SLC4A10: variants seen among roughly 807,000 people sequenced by gnomAD.
The protein encoded by SLC4A10 is sodium-driven chloride bicarbonate exchanger.
In SLC4A10, 42 loss-of-function variants were observed where a neutral mutation model predicts 137.7. That is an observed-to-expected ratio of 0.30 (90% CI 0.24 to 0.39). SLC4A10 has a LOEUF of 0.39. Among genes scored for constraint, SLC4A10 ranks in the 10% least tolerant of loss-of-function variants. The pLI is 1.00. For synonymous variants in SLC4A10, 474 were observed against 464.1 expected (o/e 1.02, Z -0.27); for missense variants, 925 against 1,355.0 (o/e 0.68, Z 4.98).
intron 23 of SLC4A10, among the ~76,000 whole-genome samples, chr2:161,973,475 A>C (rs1352608167): frequency 1.3e-5 from 2 of 152,206 alleles, no homozygotes; most frequent in Non-Finnish European, 2.9e-5. Context: ...GTATAAATAT[A>C]AAAATCATTT....
intron 2 of SLC4A10, among the ~76,000 whole-genome samples, chr2:161,796,028 T>C (rs1424536961): frequency 6.6e-6 from 1 of 152,176 alleles, no homozygotes; most frequent in Non-Finnish European, 1.5e-5. Context: ...TACTTTCTGA[T>C]TCTTGGTTCT....
At chr2:161,660,559 T>TCTTC (rs2038161474) in intron 1 of SLC4A10, among the ~76,000 whole-genome samples, 8 of 47,118 alleles carry the variant, frequency 1.7e-4, no homozygotes, top group Non-Finnish European at 4.1e-4. Context: ...CATCTATATT[T>TCTTC]CTTTCTTTCT....
intron 1 of SLC4A10, among the ~76,000 whole-genome samples, chr2:161,675,426 G>T (rs905771210): frequency 1.3e-5 from 2 of 152,018 alleles, no homozygotes; most frequent in African/African-American, 4.8e-5. Context: ...TCTTGCCTTG[G>T]TAGCATTTTT....
chr2:161,913,544 A>G (rs1468557877), intron 15 of SLC4A10, among the ~76,000 whole-genome samples: 4 of 152,186 alleles, frequency 2.6e-5, no homozygotes, highest in Non-Finnish European at 4.4e-5. Context: ...TACTTCACCA[A>G]AGTTTTAATT....
At chr2:161,872,462 C>A in intron 7 of SLC4A10, 78 bp downstream of exon 7, 1 of 1,100,912 alleles carries the variant, frequency 9.1e-7, no homozygotes, top group Non-Finnish European at 1.3e-6. Context: ...GAGGTGTTGA[C>A]ACAATATTTT....
intron 2 of SLC4A10, among the ~76,000 whole-genome samples, chr2:161,781,109 A>G (rs1464261955): frequency 6.6e-6 from 1 of 152,058 alleles, no homozygotes; most frequent in Non-Finnish European, 1.5e-5. Context: ...TATTAAGAGT[A>G]AAAATAGTAT....
chr2:161,815,825 A>G (rs1575100045), intron 3 of SLC4A10, among the ~76,000 whole-genome samples: 1 of 152,228 alleles, frequency 6.6e-6, no homozygotes, highest in East Asian at 1.9e-4. Flanking sequence ...CTTGGAAATA[A>G]GTCGGGTGGC....
chr2:161,909,166 G>A (rs1047995388), intron 15 of SLC4A10, among the ~76,000 whole-genome samples: 1 of 151,158 alleles, frequency 6.6e-6, no homozygotes, highest in African/African-American at 2.4e-5. Flanking sequence ...ACACCAACAT[G>A]GCACATGTAT....
At chr2:161,666,326 G>A (rs1161797957) in intron 1 of SLC4A10, among the ~76,000 whole-genome samples, 1 of 151,526 alleles carries the variant, frequency 6.6e-6, no homozygotes, top group East Asian at 1.9e-4. Flanking sequence ...TTTGGTATGT[G>A]TTTCTTTTTG....
intron 4 of SLC4A10, among the ~76,000 whole-genome samples, chr2:161,850,580 T>C (rs919109222): frequency 3.3e-5 from 5 of 152,068 alleles, no homozygotes; most frequent in African/African-American, 1.2e-4. Context: ...TTTCTGATTG[T>C]GTTTATCTTT....
intron 1 of SLC4A10, among the ~76,000 whole-genome samples, chr2:161,681,409 G>A (rs2040835355): frequency 6.6e-6 from 1 of 152,166 alleles, no homozygotes; most frequent in Non-Finnish European, 1.5e-5. Context: ...GAAATATTAA[G>A]TGACTTAGCT....
At chr2:161,813,823 T>C (rs865799063) in intron 3 of SLC4A10, among the ~76,000 whole-genome samples, 1 of 152,170 alleles carries the variant, frequency 6.6e-6, no homozygotes. Flanking sequence ...CCAGTTTTTC[T>C]AGAACAGTGG....
chr2:161,653,556 G>A (rs565498880), intron 1 of SLC4A10, among the ~76,000 whole-genome samples: 1 of 152,252 alleles, frequency 6.6e-6, no homozygotes, highest in African/African-American at 2.4e-5. Flanking sequence ...GCATGAGATG[G>A]TATTTCATTG....
intron 15 of SLC4A10, among the ~76,000 whole-genome samples, chr2:161,930,425 A>G (rs1048553952): frequency 6.6e-6 from 1 of 152,030 alleles, no homozygotes; most frequent in African/African-American, 2.4e-5. Context: ...AACATCCATG[A>G]AACTCTAGGA....
chr2:161,640,929 G>A (rs1215692349), intron 1 of SLC4A10, among the ~76,000 whole-genome samples: 3 of 152,034 alleles, frequency 2.0e-5, no homozygotes, highest in Non-Finnish European at 4.4e-5. Flanking sequence ...TGGGTAACAA[G>A]GTATTACTGA....
intron 1 of SLC4A10, chr2:161,650,927 G>T (rs1038445501): frequency 3.3e-5 from 5 of 152,584 alleles, no homozygotes; most frequent in Admixed American, 6.5e-5. Context: ...GGCAGAAAGG[G>T]CAGGTCCCTG....
chr2:161,829,830 G>A (rs1388524919), intron 3 of SLC4A10, among the ~76,000 whole-genome samples: 1 of 152,090 alleles, frequency 6.6e-6, no homozygotes, highest in Non-Finnish European at 1.5e-5. Context: ...GAAGCAAAAG[G>A]AAGGCACATC....
intron 3 of SLC4A10, among the ~76,000 whole-genome samples, chr2:161,813,891 A>G (rs2056798171): frequency 6.6e-6 from 1 of 152,070 alleles, no homozygotes; most frequent in Admixed American, 6.6e-5. Flanking sequence ...CAACCCGTAC[A>G]CCAACCAGAA....
intron 1 of SLC4A10, among the ~76,000 whole-genome samples, chr2:161,737,708 TA>T (rs1036593781): frequency 7.2e-5 from 11 of 152,190 alleles, no homozygotes; most frequent in African/African-American, 2.2e-4. Flanking sequence ...TCAATTTCTA[TA>T]AGCATTTGCT....
Sources: allele counts gnomAD v4.1 joint callset (sites outside exome capture counted in the v4.1 genomes callset), GRCh38; gene constraint gnomAD v4.1.1; transcripts MANE v1.5; gene names NCBI Gene and HGNC (gene_info 2026-07-23, HGNC 2026-07-21).